Variants in MPRIP observed in about 807,000 individuals in gnomAD.
MPRIP encodes myosin phosphatase Rho interacting protein.
Under a neutral mutation model 234.9 loss-of-function variants are expected in MPRIP, and 59 were observed. That is an observed-to-expected ratio of 0.25 (90% CI 0.20 to 0.31). The LOEUF (loss-of-function observed/expected upper bound fraction) is 0.31. Among genes scored for constraint, MPRIP ranks in the 10% least tolerant of loss-of-function variants. The pLI, the probability that MPRIP is intolerant of heterozygous loss-of-function variation, is 1.00. For synonymous variants in MPRIP, 1,144 were observed against 1,263.9 expected (o/e 0.91, Z 2.01); for missense variants, 2,436 against 3,071.0 (o/e 0.79, Z 4.89).
chr17:17,091,972 A>G (rs1172489155), intron 3 of MPRIP, among the ~76,000 whole-genome samples: 2 of 152,158 alleles, frequency 1.3e-5, no homozygotes, highest in Non-Finnish European at 2.9e-5. Flanking sequence ...TTGCAAATGG[A>G]CTTGTGCTCT....
At chr17:17,184,361 C>T (rs945318497) in intron 23 of MPRIP, among the ~76,000 whole-genome samples, 10 of 152,312 alleles carry the variant, frequency 6.6e-5, no homozygotes, top group African/African-American at 2.2e-4. Context: ...GGCCCTGTCC[C>T]GGGACACCCA....
In MPRIP at chr17:17,166,766, G is replaced by A; in HGVS notation, c.5175G>A (p.Gln1725=). The A allele has an allele frequency of 1.5e-6, 2 of 1,304,252 alleles. No individual in the cohort carries two copies. Among genetic ancestry groups the A allele is most frequent in the Non-Finnish European group, 2.0e-6 (2 of 988,964 alleles). The allele number at this position is 1,304,252 out of a possible 1,614,324, so 80.8% of individuals were successfully genotyped here. A position where few individuals can be genotyped will look rare whatever the true frequency, so the allele number is the denominator to read the frequency against. ...CCCCAGACTTTGAAAGAGTGATGCA[G>A]CAGGTCTTGGAAGCCCTCAGGCTTC... ...YQTPDFERVM[Q]QVLEALRLPA... Residue 1725 remains glutamine, a synonymous_variant, in exon 16 of 24, where the codon CAG becomes CAA. Transcript: ENST00000651222. The surrounding 1 kb of genome is among the most constrained non-coding windows in gnomAD (Gnocchi z 4.4).
At chr17:17,127,233 G>A (rs2090509883) in intron 4 of MPRIP, among the ~76,000 whole-genome samples, 1 of 152,224 alleles carries the variant, frequency 6.6e-6, no homozygotes, top group Admixed American at 6.5e-5. Context: ...CTGGTGCTGG[G>A]CTCCACCACC....
intron 3 of MPRIP, among the ~76,000 whole-genome samples, chr17:17,109,088 A>G (rs1207263905): frequency 6.6e-6 from 1 of 152,164 alleles, no homozygotes; most frequent in Non-Finnish European, 1.5e-5. Context: ...TACCCTCGCC[A>G]CTTTGTTCCC....
chr17:17,116,965 T>C (rs1567725692), intron 3 of MPRIP, among the ~76,000 whole-genome samples: 1 of 152,184 alleles, frequency 6.6e-6, no homozygotes, highest in Non-Finnish European at 1.5e-5. Flanking sequence ...TCAAGAGCCC[T>C]TATCAGCCAT....
At chr17:17,147,561 T>C (rs1023251282) in intron 11 of MPRIP, among the ~76,000 whole-genome samples, 174 bp downstream of exon 11, 4 of 152,186 alleles carry the variant, frequency 2.6e-5, no homozygotes, top group Admixed American at 2.6e-4. Flanking sequence ...GGTTTCCCAG[T>C]CCCGACCTGG....
At position 17,188,640 on chromosome 17, in the gene MPRIP, A is replaced by G. The variant is rs1288402491; in HGVS notation, c.*3746A>G. ...AACATTTTTATGGAATGTATTTACTATCATTTTGTTTTACTATAGAGGTAG... is the reference window on the plus strand; with the variant it reads ...AACATTTTTATGGAATGTATTTACTGTCATTTTGTTTTACTATAGAGGTAG... On this transcript the variant is annotated 3_prime_UTR_variant, in exon 24 of 24. Transcript: ENST00000651222. 2 of 152,272 alleles carry G rather than the reference A, an allele frequency of 1.3e-5. No homozygotes were observed. Among genetic ancestry groups the G allele is most frequent in the Non-Finnish European group, 2.9e-5 (2 of 68,050 alleles). 9.4% of individuals were successfully genotyped at this position (152,272 alleles called of 1,614,324 possible).
chr17:17,092,266 TTCTC>T (rs2089736740), intron 3 of MPRIP, among the ~76,000 whole-genome samples: 1 of 152,220 alleles, frequency 6.6e-6, no homozygotes, highest in Non-Finnish European at 1.5e-5. Flanking sequence ...AGCTTCCTCT[TTCTC>T]ATGGTCTGAG....
Position 17,166,676 on chromosome 17 carries a change from G to A in MPRIP, c.5085G>A (p.Arg1695=), listed in dbSNP as rs759381469. The change falls in exon 16 of 24, where the codon CGG becomes CGA. Residue 1695 remains arginine, a synonymous_variant. Transcript: ENST00000651222. The surrounding 1 kb of genome is among the most constrained non-coding windows in gnomAD (Gnocchi z 4.4). ...RRLQSIQETL[R]GTQTALRQHK... ...TACAGAGCATCCAGGAGACCCTGCG[G>A]GGCACCCAGACGGCCCTGCGGCAGC... The A allele has an allele frequency of 1.5e-4, 191 of 1,304,006 alleles. No homozygotes were observed. Among genetic ancestry groups the A allele is most frequent in the East Asian group, 1.3e-3 (24 of 18,038 alleles). The allele number at this position is 1,304,006 out of a possible 1,614,324, so 80.8% of individuals were successfully genotyped here.
rs554353285 is a variant in MPRIP at position 17,066,883 on chromosome 17, C to T, written c.124-8827C>T. Among the ~76,000 whole-genome samples, 13 of 151,552 alleles carry T rather than the reference C, an allele frequency of 8.6e-5. No homozygotes were observed. The South Asian group carries it at 1.0e-3, about 12-fold the overall frequency. On this transcript the variant is annotated intron_variant, in intron 1 of 23. Coordinates refer to ENST00000651222, the MANE Select transcript of MPRIP (RefSeq NM_001364716.4). Reference sequence around the variant, plus strand: ...GTGATCCTCATGCCTCAGCCTCCCACGTAGCTGGGCCTCTGCCAGCACTTG... The same window carrying T: ...GTGATCCTCATGCCTCAGCCTCCCATGTAGCTGGGCCTCTGCCAGCACTTG...
chr17:17,097,019 A>G (rs370340495), intron 3 of MPRIP: 1 of 330,902 alleles, frequency 3.0e-6, no homozygotes, highest in Non-Finnish European at 6.0e-6. Context: ...CAGCCTTGCA[A>G]CTCCCTGGGG....
At chr17:17,168,184 T>C in intron 16 of MPRIP, 1 of 308,200 alleles carries the variant, frequency 3.2e-6, no homozygotes, top group South Asian at 2.7e-5. Flanking sequence ...TCCCAGCACT[T>C]CCCTGCCTGC....
intron 1 of MPRIP, among the ~76,000 whole-genome samples, chr17:17,059,306 A>G (rs1004371262): frequency 2.0e-5 from 3 of 152,210 alleles, no homozygotes; most frequent in Non-Finnish European, 4.4e-5. Context: ...CTGTACACTC[A>G]TGAAAGAGTG....
In MPRIP at chr17:17,185,526, A is replaced by G. The variant is rs1435081661; in HGVS notation, c.*632A>G. On this transcript the variant is annotated 3_prime_UTR_variant, in exon 24 of 24. Transcript: ENST00000651222. The stretch of plus-strand genomic sequence containing the variant: ...GAAAATGTTGAAAGCAACCATTCCT[A>G]TTTTTGTTTGTTTTTTATTAAATCT... 8.8e-6 allele frequency: 4 copies of G among 457,034 alleles called. No individual in the cohort carries two copies. The highest frequency in any genetic ancestry group is 4.6e-5 in the South Asian group (3 of 64,568). 28.3% of individuals were successfully genotyped at this position (457,034 alleles called of 1,614,324 possible).
Position 17,131,474 on chromosome 17 carries a change from T to C in MPRIP, c.420-143T>C, listed in dbSNP as rs915434189. On this transcript the variant is annotated intron_variant, in intron 4 of 23. Transcript: ENST00000651222. ...GCAGGGTCATTGTCCAGGCTTGCTCTGTGGCACTTCTGGCCCCAGCGTAGC... is the reference window on the plus strand; with the variant it reads ...GCAGGGTCATTGTCCAGGCTTGCTCCGTGGCACTTCTGGCCCCAGCGTAGC... 25 of 663,784 alleles carry C rather than the reference T, an allele frequency of 3.8e-5. 1 individual carries two copies. The highest frequency in any genetic ancestry group is 7.7e-4 in the Middle Eastern group (2 of 2,602). 41.1% of individuals were successfully genotyped at this position (663,784 alleles called of 1,614,324 possible). A position where few individuals can be genotyped will look rare whatever the true frequency, so the allele number is the denominator to read the frequency against.
rs999545604 is a variant in MPRIP at position 17,165,205 on chromosome 17, C to T, written c.3614C>T (p.Thr1205Ile). The change falls in exon 16 of 24, where the codon ACA becomes ATA. Residue 1205 changes from threonine to isoleucine, a missense_variant. By Grantham distance (89) the Thr-to-Ile change is moderately conservative (BLOSUM62 -1). This residue lies in a region of MPRIP where 1,998 missense variants were observed against 2,520.3 expected (regional missense o/e 0.79). Transcript: ENST00000651222. ...MVALGSSLEE[T>I]EIKLQAKEEI... ...GCCTTGGGGAGCAGCTTAGAGGAAACAGAAATTAAGCTCCAGGCAAAAGAA... is the reference window on the plus strand; with the variant it reads ...GCCTTGGGGAGCAGCTTAGAGGAAATAGAAATTAAGCTCCAGGCAAAAGAA... The T allele has an allele frequency of 8.4e-6, 11 of 1,304,008 alleles. No homozygotes were observed. The African/African-American group carries it at 1.7e-4, about 20-fold the overall frequency. 80.8% of individuals were successfully genotyped at this position (1,304,008 alleles called of 1,614,324 possible).
chr17:17,175,712 C>G (rs1056934483), intron 20 of MPRIP, among the ~76,000 whole-genome samples: 1 of 152,214 alleles, frequency 6.6e-6, no homozygotes, highest in African/African-American at 2.4e-5. Context: ...CAAAAGGACA[C>G]GTTCTGTAGC....
chr17:17,187,451 G>GA lies in MPRIP; in HGVS notation c.*2558dup, dbSNP rs1464996559. On this transcript the variant is annotated 3_prime_UTR_variant, in exon 24 of 24. Coordinates refer to ENST00000651222, the MANE Select transcript of MPRIP (RefSeq NM_001364716.4). ...CGTTTCTGAAGAGCCCTCATACAGG[G>GA]ACAGCCACCATCTGGGTCAAGGAAG... The GA allele has an allele frequency of 6.6e-6, 1 of 152,242 alleles. No homozygotes were observed. Among genetic ancestry groups the GA allele is most frequent in the African/African-American group, 2.4e-5 (1 of 41,446 alleles). 9.4% of individuals were successfully genotyped at this position (152,242 alleles called of 1,614,324 possible).
At chr17:17,074,576 G>A (rs545032793) in intron 1 of MPRIP, among the ~76,000 whole-genome samples, 4 of 152,182 alleles carry the variant, frequency 2.6e-5, no homozygotes, top group Admixed American at 2.6e-4. Flanking sequence ...CATCTCCACT[G>A]TCTAATTCTA....
Sources: allele counts gnomAD v4.1 joint callset (sites outside exome capture counted in the v4.1 genomes callset), GRCh38; gene constraint gnomAD v4.1.1; regional missense constraint gnomAD v4.1.1; non-coding constraint Gnocchi (gnomAD v3.1); transcripts MANE v1.5; gene names NCBI Gene and HGNC (gene_info 2026-07-23, HGNC 2026-07-21).